Variants in WSB2 observed in about 807,000 individuals in gnomAD.
The protein encoded by WSB2 is WD repeat and SOCS box-containing protein 2.
A neutral mutation model predicts 48.8 loss-of-function variants in WSB2; 12 were observed. The observed-to-expected ratio is 0.25, with a 90% CI of 0.16 to 0.40. The LOEUF (loss-of-function observed/expected upper bound fraction) is 0.40, where lower values mean the gene tolerates loss of function less well. Among genes scored for constraint, WSB2 ranks in the 10% least tolerant of loss-of-function variants. WSB2 has a pLI of 1.00. For synonymous variants in WSB2, 191 were observed against 203.1 expected, an observed-to-expected ratio of 0.94 and a Z score of 0.51; for missense variants, 317 against 506.2, an observed-to-expected ratio of 0.63 and a Z score of 3.59.
chr12:118,052,428 C>A lies in WSB2; in HGVS notation c.64G>T (p.Asp22Tyr). 3 of 1,614,170 alleles carry A rather than the reference C, an allele frequency of 1.9e-6. No individual in the cohort carries two copies. Among genetic ancestry groups the A allele is most frequent in the Non-Finnish European group, 2.5e-6 (3 of 1,180,028 alleles). The change falls in exon 2 of 9, where the codon GAT becomes TAT. Residue 22 changes from aspartate to tyrosine, a missense_variant. Coordinates refer to ENST00000315436, the MANE Select transcript of WSB2 (RefSeq NM_018639.5). ...CAGGTTTCACAGCTGGACTTCCAAT[C>A]AAACTGGTGGGGGCGCCCGGGCTTG... is the stretch of plus-strand genomic sequence containing the variant. ...ELKPGRPHQF[D>Y]WKSSCETWSV...
intron 5 of WSB2, 72 bp downstream of exon 5, chr12:118,038,216 C>T (rs1860260585): frequency 1.4e-6 from 2 of 1,443,668 alleles, no homozygotes; most frequent in Admixed American, 2.4e-5. Context: ...TTTGAGAACA[C>T]TCACACACAC....
Position 118,033,307 on chromosome 12 carries a change from C to G in WSB2, c.*889G>C, listed in dbSNP as rs1038013270. 1 of 152,502 alleles carries G rather than the reference C, an allele frequency of 6.6e-6. No individual in the cohort carries two copies. The highest frequency in any genetic ancestry group is 1.5e-5 in the Non-Finnish European group (1 of 68,032). The allele number at this position is 152,502 out of a possible 1,614,324, so 9.4% of individuals were successfully genotyped here. Reference sequence around the variant, plus strand: ...AGTATCAGCTAAAGTCATGACTACACCAATTCTTTACACAATTAAGACATC... The same window carrying G: ...AGTATCAGCTAAAGTCATGACTACAGCAATTCTTTACACAATTAAGACATC... On this transcript the variant is annotated 3_prime_UTR_variant, in exon 9 of 9. Coordinates refer to ENST00000315436, the MANE Select transcript of WSB2 (RefSeq NM_018639.5).
chr12:118,057,253 C>A (rs2031973673), intron 1 of WSB2, among the ~76,000 whole-genome samples: 1 of 151,994 alleles, frequency 6.6e-6, no homozygotes, highest in Non-Finnish European at 1.5e-5. Context: ...GGTGAAAAGG[C>A]CTATGAATCA....
chr12:118,057,177 A>G (rs1447186005), intron 1 of WSB2, among the ~76,000 whole-genome samples: 1 of 152,136 alleles, frequency 6.6e-6, no homozygotes, highest in Non-Finnish European at 1.5e-5. Flanking sequence ...CAAAACAAAC[A>G]AACAAAAACA....
At chr12:118,046,328 T>TG (rs1464451161) in intron 2 of WSB2, among the ~76,000 whole-genome samples, 2 of 151,428 alleles carry the variant, frequency 1.3e-5, no homozygotes, top group Non-Finnish European at 2.9e-5. Context: ...CCAGGCCTGG[T>TG]GGGGGGTGCC....
At position 118,033,724 on chromosome 12, in the gene WSB2, C is replaced by T. The variant is rs2031431809; in HGVS notation, c.*472G>A. 6.4e-6 allele frequency: 1 copy of T among 155,636 alleles called. No individual in the cohort carries two copies. The highest frequency in any genetic ancestry group is 2.4e-5 in the African/African-American group (1 of 41,466). The allele number at this position is 155,636 out of a possible 1,614,324, so 9.6% of individuals were successfully genotyped here. On this transcript the variant is annotated 3_prime_UTR_variant, in exon 9 of 9. Coordinates refer to ENST00000315436, the MANE Select transcript of WSB2 (RefSeq NM_018639.5). ...AAGCACTTGGCCAACATCGAAGCAA[C>T]TCTGACCACAGCAGGAGAGAACTTG... is the stretch of plus-strand genomic sequence containing the variant.
chr12:118,047,580 T>A (rs1234235631), intron 2 of WSB2, among the ~76,000 whole-genome samples: 6 of 152,218 alleles, frequency 3.9e-5, no homozygotes, highest in Non-Finnish European at 8.8e-5. Flanking sequence ...TAGCTATTGT[T>A]GGCAGGGTGT....
intron 2 of WSB2, among the ~76,000 whole-genome samples, chr12:118,046,356 G>A (rs1714843294): frequency 1.3e-5 from 2 of 151,692 alleles, no homozygotes; most frequent in Non-Finnish European, 2.9e-5. Flanking sequence ...CCAGCTACTC[G>A]GGAGGCTGAA....
At position 118,036,626 on chromosome 12, in the gene WSB2, C is replaced by G. The variant is rs1353030009; in HGVS notation, c.661-116G>C. 4 of 1,110,044 alleles carry G rather than the reference C, an allele frequency of 3.6e-6. No homozygotes were observed. The East Asian group carries it at 7.2e-5, about 20-fold the overall frequency. The allele number at this position is 1,110,044 out of a possible 1,614,324, so 68.8% of individuals were successfully genotyped here. A position where few individuals can be genotyped will look rare whatever the true frequency, so the allele number is the denominator to read the frequency against. On this transcript the variant is annotated intron_variant, in intron 5 of 8. Coordinates refer to ENST00000315436, the MANE Select transcript of WSB2 (RefSeq NM_018639.5). ...AGGCCCTGCAGCCAGGGCTGATTCT[C>G]TATCCCTTTTCTACAGCTCTTCCAG...
In WSB2 at chr12:118,032,900, GC is replaced by G. The variant is rs1185900171; in HGVS notation, c.*1295del. 1 of 151,884 alleles carries G rather than the reference GC, an allele frequency of 6.6e-6. No homozygotes were observed. The highest frequency in any genetic ancestry group is 1.5e-5 in the Non-Finnish European group (1 of 67,980). The allele number at this position is 151,884 out of a possible 1,614,324, so 9.4% of individuals were successfully genotyped here. A position where few individuals can be genotyped will look rare whatever the true frequency, so the allele number is the denominator to read the frequency against. The stretch of plus-strand genomic sequence containing the variant: ...TTAATGGAAAAAAATGAAACAGAGA[GC>G]CAAAAGCTTTTAACTGTTGTTTTTT... On this transcript the variant is annotated 3_prime_UTR_variant, in exon 9 of 9. Transcript: ENST00000315436.
intron 4 of WSB2, 78 bp downstream of exon 4, chr12:118,042,763 T>A: frequency 6.5e-7 from 1 of 1,549,260 alleles, no homozygotes; most frequent in South Asian, 1.2e-5. Context: ...CTGTTTTAGA[T>A]AAAAATGACA....
At chr12:118,034,574 G>A (rs1052579751) in intron 8 of WSB2, 8 of 529,496 alleles carry the variant, frequency 1.5e-5, no homozygotes, top group East Asian at 9.3e-5. Context: ...ATACCAAAGC[G>A]CTCTCTCTGT....
chr12:118,043,036 C>A (rs1158198814), intron 3 of WSB2, 64 bp from the exon 4 acceptor site: 4 of 1,613,368 alleles, frequency 2.5e-6, no homozygotes, highest in Non-Finnish European at 3.4e-6. Context: ...CTGCCACGGC[C>A]ACACCCCTTG....
At chr12:118,052,573 A>G in intron 1 of WSB2, 95 bp from the exon 2 acceptor site, 1 of 1,556,804 alleles carries the variant, frequency 6.4e-7, no homozygotes, top group South Asian at 1.2e-5. Flanking sequence ...GCAAAGAGCC[A>G]CACTATCCAT....
intron 2 of WSB2, among the ~76,000 whole-genome samples, chr12:118,046,564 T>C (rs2031751105): frequency 6.6e-6 from 1 of 152,120 alleles, no homozygotes; most frequent in African/African-American, 2.4e-5. Flanking sequence ...ACAATCTGAA[T>C]GTGACCATGA....
chr12:118,048,433 C>CA (rs1040008473), intron 2 of WSB2, among the ~76,000 whole-genome samples: 2 of 151,630 alleles, frequency 1.3e-5, no homozygotes. Flanking sequence ...TCTAAAAATA[C>CA]AAAAAAATTA....
chr12:118,035,940 T>C, intron 6 of WSB2: 1 of 167,776 alleles, frequency 6.0e-6, no homozygotes. Flanking sequence ...GCGCAGTGGC[T>C]CATGCCTATA....
chr12:118,045,524 C>T lies in WSB2; in HGVS notation c.183-2147G>A, dbSNP rs188549952. 4.1e-3 allele frequency among the ~76,000 whole-genome samples: 621 copies of T among 151,900 alleles called. 4 individuals carry two copies. The highest frequency in any genetic ancestry group is 0.014 in the African/African-American group (591 of 41,398). On this transcript the variant is annotated intron_variant, in intron 2 of 8. Coordinates refer to ENST00000315436, the MANE Select transcript of WSB2 (RefSeq NM_018639.5). ...ACCAGCCTGACCAATATGGTGAAAC[C>T]CCATCTCTACTAAAAATACAAAAAT... is the stretch of plus-strand genomic sequence containing the variant.
intron 8 of WSB2, chr12:118,034,754 TG>T: frequency 1.8e-6 from 1 of 557,250 alleles, no homozygotes; most frequent in Non-Finnish European, 3.1e-6. Flanking sequence ...CTTGTGAACT[TG>T]GCCCATTAGG....
Sources: allele counts gnomAD v4.1 joint callset (sites outside exome capture counted in the v4.1 genomes callset), GRCh38; gene constraint gnomAD v4.1.1; transcripts MANE v1.5; gene names NCBI Gene and HGNC (gene_info 2026-07-23, HGNC 2026-07-21).